PCDHA7: variants seen among roughly 807,000 people sequenced by gnomAD.
PCDHA7 encodes protocadherin alpha 7, also known as protocadherin alpha-7.
In PCDHA7, 37 loss-of-function variants were observed where a neutral mutation model predicts 57.2. The ratio of observed to expected loss-of-function variants is 0.65; its 90% CI spans 0.50 to 0.85. The LOEUF (loss-of-function observed/expected upper bound fraction) is 0.85, where lower values mean the gene tolerates loss of function less well. Ranked by LOEUF, PCDHA7 falls within the 40% of genes least tolerant of loss-of-function variation. The pLI is 0.00. For missense variants in PCDHA7, 1,188 were observed against 1,241.8 expected, an observed-to-expected ratio of 0.96 and a Z score of 0.65; for synonymous variants, 553 against 558.8, an observed-to-expected ratio of 0.99 and a Z score of 0.15.
In PCDHA7 at chr5:140,980,214, C is replaced by T. The variant is rs2096880494; in HGVS notation, c.2414+1207C>T. 2.0e-5 allele frequency among the ~76,000 whole-genome samples: 3 copies of T among 152,212 alleles called. No homozygotes were observed. The South Asian group carries it at 6.2e-4, about 31-fold the overall frequency. The stretch of plus-strand genomic sequence containing the variant: ...ATTAGAGACCAACTTGTGCTTTTGC[C>T]TGCATCTGAGCTGTTGGTGGAGACA... On this transcript the variant is annotated intron_variant, in intron 2 of 3. Transcript: ENST00000525929.
intron 1 of PCDHA7, among the ~76,000 whole-genome samples, chr5:140,911,201 C>G: frequency 6.6e-6 from 1 of 152,110 alleles, no homozygotes; most frequent in Non-Finnish European, 1.5e-5. Context: ...GACATGTTGC[C>G]ACTACTGGGG....
chr5:140,857,857 C>T lies in PCDHA7; in HGVS notation c.2355+21119C>T, dbSNP rs1415276512. On this transcript the variant is annotated intron_variant, in intron 1 of 3. Transcript: ENST00000525929. ...CAGTGGACGCTGACTCTGGATACAA[C>T]GCGTGGCTGTCGTATGAATTGCAGT... 10 of 1,597,784 alleles carry T rather than the reference C, an allele frequency of 6.3e-6. 2 individuals are homozygous for T. Among genetic ancestry groups the T allele is most frequent in the African/African-American group, 1.3e-5 (1 of 74,362 alleles).
chr5:140,966,149 G>C (rs1347243484), intron 1 of PCDHA7: 1 of 167,682 alleles, frequency 6.0e-6, no homozygotes, highest in Non-Finnish European at 1.3e-5. Flanking sequence ...TTCCTGAATT[G>C]CGCTTGGAGA....
chr5:140,997,565 A>T (rs552009994), intron 3 of PCDHA7, among the ~76,000 whole-genome samples: 1 of 152,174 alleles, frequency 6.6e-6, no homozygotes, highest in Non-Finnish European at 1.5e-5. Context: ...CAACTGTCAT[A>T]TGTGTGGTCC....
chr5:140,895,920 C>T (rs1347672044), intron 1 of PCDHA7, among the ~76,000 whole-genome samples: 1 of 152,202 alleles, frequency 6.6e-6, no homozygotes, highest in African/African-American at 2.4e-5. Flanking sequence ...CAACAATTAT[C>T]CTGCCTCAGC....
intron 1 of PCDHA7, among the ~76,000 whole-genome samples, chr5:140,893,419 G>A (rs2063984571): frequency 6.6e-6 from 1 of 152,158 alleles, no homozygotes; most frequent in African/African-American, 2.4e-5. Context: ...TAGGGAGGCA[G>A]AGGCAGGAAG....
At chr5:140,924,477 T>C (rs1378646713) in intron 1 of PCDHA7, among the ~76,000 whole-genome samples, 1 of 152,230 alleles carries the variant, frequency 6.6e-6, no homozygotes, top group Admixed American at 6.5e-5. Context: ...AACTGGTTTT[T>C]AGTGGAACAC....
intron 1 of PCDHA7, chr5:140,841,656 G>A (rs2150320289): frequency 6.2e-7 from 1 of 1,614,162 alleles, no homozygotes; most frequent in Admixed American, 1.7e-5. Context: ...ATCGTGGACA[G>A]GCCGCTGCAG....
intron 1 of PCDHA7, among the ~76,000 whole-genome samples, chr5:140,891,762 G>C (rs554912268): frequency 1.5e-3 from 234 of 152,268 alleles, no homozygotes; most frequent in African/African-American, 4.9e-3. Context: ...GTTGGGAGGT[G>C]GGGAATTTCA....
intron 1 of PCDHA7, among the ~76,000 whole-genome samples, chr5:140,945,375 C>T (rs1414758644): frequency 1.3e-4 from 20 of 152,006 alleles, no homozygotes; most frequent in African/African-American, 3.9e-4. Context: ...GTCCATATTA[C>T]CCAAAGCAAT....
At chr5:140,916,688 C>G (rs1422583302) in intron 1 of PCDHA7, among the ~76,000 whole-genome samples, 3 of 152,180 alleles carry the variant, frequency 2.0e-5, no homozygotes, top group Admixed American at 6.5e-5. Flanking sequence ...TTACTCTTTT[C>G]TCTCCTCTCC....
chr5:140,906,893 GT>G (rs1191460812), intron 1 of PCDHA7, among the ~76,000 whole-genome samples: 7 of 152,170 alleles, frequency 4.6e-5, no homozygotes, highest in Admixed American at 6.5e-5. Context: ...TTCTTAGATT[GT>G]TGGTTTAAAG....
intron 3 of PCDHA7, among the ~76,000 whole-genome samples, chr5:140,992,716 G>A (rs1554253146): frequency 6.6e-6 from 1 of 152,160 alleles, no homozygotes; most frequent in African/African-American, 2.4e-5. Flanking sequence ...GCCAGTATTC[G>A]TAAATCCCAC....
chr5:140,945,321 A>G (rs558331825), intron 1 of PCDHA7, among the ~76,000 whole-genome samples: 1 of 152,258 alleles, frequency 6.6e-6, no homozygotes, highest in Non-Finnish European at 1.5e-5. Flanking sequence ...AAATGGAAAT[A>G]TATTTTATGT....
rs1317761194 is a variant in PCDHA7 at position 140,848,794 on chromosome 5, C to T, written c.2355+12056C>T. The T allele has an allele frequency of 3.1e-6, 5 of 1,592,486 alleles. No homozygotes were observed. The African/African-American group carries it at 5.4e-5, about 17-fold the overall frequency. On this transcript the variant is annotated intron_variant, in intron 1 of 3. Transcript: ENST00000525929. ...CGCGAGGAGCTGTGCGGGCGGAGCG[C>T]GGAGTGCAGCATCCACCTGGAGGTG...
chr5:140,935,379 C>T (rs2090338823), intron 1 of PCDHA7, among the ~76,000 whole-genome samples: 1 of 152,196 alleles, frequency 6.6e-6, no homozygotes, highest in African/African-American at 2.4e-5. Context: ...CAGAATTACT[C>T]ATTTGTTATC....
At position 140,850,724 on chromosome 5, in the gene PCDHA7, C is replaced by A. The variant is rs2150495935; in HGVS notation, c.2355+13986C>A. On this transcript the variant is annotated intron_variant, in intron 1 of 3. Coordinates refer to ENST00000525929, the MANE Select transcript of PCDHA7 (RefSeq NM_018910.3). ...GCAAGCCGACGCTGGTGTGTTCTAG[C>A]GCGGTGGGGAGTTGGTCGTACTCGC... The A allele has an allele frequency of 5.0e-6, 8 of 1,597,668 alleles. No individual in the cohort carries two copies. In the East Asian group the frequency reaches 1.1e-4, roughly 22 times the overall value.
chr5:140,943,302 A>G, intron 1 of PCDHA7, among the ~76,000 whole-genome samples: 1 of 151,674 alleles, frequency 6.6e-6, no homozygotes, highest in Non-Finnish European at 1.5e-5. Context: ...AATTTTGGGA[A>G]GTCATTATTA....
At chr5:140,852,033 A>C in intron 1 of PCDHA7, 2 of 934,104 alleles carry the variant, frequency 2.1e-6, no homozygotes, top group Non-Finnish European at 2.6e-6. Context: ...TCGCTTATTG[A>C]GTTTTTGTTA....
Sources: allele counts gnomAD v4.1 joint callset (sites outside exome capture counted in the v4.1 genomes callset), GRCh38; gene constraint gnomAD v4.1.1; transcripts MANE v1.5; gene names NCBI Gene and HGNC (gene_info 2026-07-23, HGNC 2026-07-21).